The following AGBL1 variants were observed in gnomAD, a reference collection of about 807,000 sequenced individuals.
The protein encoded by AGBL1 is cytosolic carboxypeptidase 4.
A neutral mutation model predicts 118.9 loss-of-function variants in AGBL1; 130 were observed. That is an observed-to-expected ratio of 1.09 (90% CI 0.95 to 1.26). The LOEUF (loss-of-function observed/expected upper bound fraction) is 1.26, where lower values mean the gene tolerates loss of function less well. Among genes scored for constraint, AGBL1 ranks in the 50% most tolerant of loss-of-function variants. The probability of loss-of-function intolerance (pLI) is 0.00; values close to 1 mark genes in which losing one functional copy is unlikely to be tolerated. For missense variants in AGBL1, 1,584 were observed against 1,298.1 expected (o/e 1.22, Z -3.38); for synonymous variants, 555 against 478.9 (o/e 1.16, Z -2.08).
intron 23 of AGBL1, among the ~76,000 whole-genome samples, chr15:86,953,915 C>T (rs1596670610): frequency 6.6e-6 from 1 of 152,018 alleles, no homozygotes; most frequent in Admixed American, 6.6e-5. Flanking sequence ...CCTTTTATTT[C>T]TTTTTCTTGC....
intron 22 of AGBL1, among the ~76,000 whole-genome samples, chr15:86,770,096 G>A (rs1352273268): frequency 6.6e-6 from 1 of 151,850 alleles, no homozygotes; most frequent in African/African-American, 2.4e-5. Flanking sequence ...GTCCCTATTG[G>A]TTTTCTTGTT....
intron 18 of AGBL1, among the ~76,000 whole-genome samples, chr15:86,497,225 C>G (rs1016489279): frequency 7.9e-5 from 12 of 151,978 alleles, no homozygotes; most frequent in African/African-American, 2.9e-4. Flanking sequence ...TTCTCTGTGC[C>G]TTTTTTGCTT....
At chr15:86,805,355 CT>C (rs1413989419) in intron 22 of AGBL1, among the ~76,000 whole-genome samples, 2 of 152,090 alleles carry the variant, frequency 1.3e-5, no homozygotes, top group African/African-American at 4.8e-5. Context: ...CGCCACAAGA[CT>C]TTCTGCAAGA....
At chr15:86,433,914 AT>A (rs1340400073) in intron 18 of AGBL1, among the ~76,000 whole-genome samples, 1 of 152,190 alleles carries the variant, frequency 6.6e-6, no homozygotes, top group Non-Finnish European at 1.5e-5. Context: ...AGAGACAGTG[AT>A]TTACAGAAAC....
At chr15:86,998,496 G>A (rs959095921) in intron 24 of AGBL1, among the ~76,000 whole-genome samples, 14 of 152,168 alleles carry the variant, frequency 9.2e-5, no homozygotes, top group Non-Finnish European at 1.5e-4. Flanking sequence ...AGCCCTGGCT[G>A]ATACCTCAAT....
At chr15:86,983,774 A>G (rs1007843819) in intron 23 of AGBL1, among the ~76,000 whole-genome samples, 39 of 152,196 alleles carry the variant, frequency 2.6e-4, no homozygotes, top group Admixed American at 2.2e-3. Context: ...AGAATTTTAT[A>G]TAAATACAAT....
chr15:86,585,443 G>T (rs942998026), intron 21 of AGBL1, among the ~76,000 whole-genome samples: 5 of 152,090 alleles, frequency 3.3e-5, no homozygotes, highest in African/African-American at 9.7e-5. Context: ...GCCCAGGCTG[G>T]AGTGCAGTGG....
intron 24 of AGBL1, among the ~76,000 whole-genome samples, chr15:86,998,816 A>G (rs1473213785): frequency 1.3e-5 from 2 of 152,102 alleles, no homozygotes; most frequent in Non-Finnish European, 2.9e-5. Flanking sequence ...CAACCTGCCC[A>G]AGGTGACATG....
At chr15:86,953,209 T>A (rs1448370734) in intron 23 of AGBL1, among the ~76,000 whole-genome samples, 1 of 152,182 alleles carries the variant, frequency 6.6e-6, no homozygotes, top group Admixed American at 6.6e-5. Context: ...AAAATGACAT[T>A]GGTAGTGTGA....
At chr15:86,754,747 G>C (rs963782655) in intron 22 of AGBL1, among the ~76,000 whole-genome samples, 9 of 152,086 alleles carry the variant, frequency 5.9e-5, no homozygotes, top group Admixed American at 5.2e-4. Flanking sequence ...CCTGCATAAA[G>C]TGGTTTCTTT....
intron 22 of AGBL1, among the ~76,000 whole-genome samples, chr15:86,726,667 T>C (rs960229307): frequency 2.0e-5 from 3 of 152,150 alleles, no homozygotes; most frequent in Non-Finnish European, 4.4e-5. Flanking sequence ...GCTCAAGCAA[T>C]CCTTCTACCT....
chr15:86,799,149 AATTTT>A (rs143457989), intron 22 of AGBL1, among the ~76,000 whole-genome samples: 13,367 of 151,524 alleles, frequency 0.088, 628 homozygotes, highest in South Asian at 0.14. Flanking sequence ...ATGCAATTGT[AATTTT>A]ATTTTATTTT....
chr15:86,483,732 C>T (rs1379522579), intron 18 of AGBL1, among the ~76,000 whole-genome samples: 2 of 152,114 alleles, frequency 1.3e-5, no homozygotes, highest in African/African-American at 4.8e-5. Context: ...GGTTCAAGCA[C>T]ATTTCCAAAG....
At chr15:86,197,687 C>T (rs1387957687) in intron 5 of AGBL1, among the ~76,000 whole-genome samples, 1 of 151,962 alleles carries the variant, frequency 6.6e-6, no homozygotes, top group Non-Finnish European at 1.5e-5. Context: ...ATCCATGTTG[C>T]AAAAAGTGAG....
At chr15:86,145,054 A>G (rs2077014753) in intron 3 of AGBL1, among the ~76,000 whole-genome samples, 1 of 151,920 alleles carries the variant, frequency 6.6e-6, no homozygotes, top group Non-Finnish European at 1.5e-5. Flanking sequence ...TAGATGCATC[A>G]CTCTGATCTC....
At chr15:86,129,023 G>A (rs891727945) in intron 1 of AGBL1, among the ~76,000 whole-genome samples, 2 of 152,076 alleles carry the variant, frequency 1.3e-5, no homozygotes, top group South Asian at 2.1e-4. Context: ...ACAATAAAAC[G>A]AACAGAAAAT....
At chr15:86,774,560 A>G (rs1172537464) in intron 22 of AGBL1, among the ~76,000 whole-genome samples, 1 of 151,594 alleles carries the variant, frequency 6.6e-6, no homozygotes, top group African/African-American at 2.4e-5. Flanking sequence ...ATTTCAGTGC[A>G]ATGAGATAAT....
At chr15:86,456,901 T>A (rs996782905) in intron 18 of AGBL1, among the ~76,000 whole-genome samples, 4 of 152,216 alleles carry the variant, frequency 2.6e-5, no homozygotes, top group African/African-American at 9.6e-5. Context: ...ATGACCAACA[T>A]TTGAATATCT....
intron 19 of AGBL1, among the ~76,000 whole-genome samples, chr15:86,532,613 T>A (rs1366712380): frequency 6.8e-6 from 1 of 146,870 alleles, no homozygotes; most frequent in Admixed American, 6.8e-5. Flanking sequence ...AAAACTACTT[T>A]AAAGTTCATA....
Sources: allele counts gnomAD v4.1 joint callset (sites outside exome capture counted in the v4.1 genomes callset), GRCh38; gene constraint gnomAD v4.1.1; transcripts MANE v1.5; gene names NCBI Gene and HGNC (gene_info 2026-07-23, HGNC 2026-07-21).